CILK1: variants seen among roughly 807,000 people sequenced by gnomAD.
CILK1 encodes the protein serine/threonine-protein kinase ICK.
A neutral mutation model predicts 79.2 loss-of-function variants in CILK1; 47 were observed. The observed-to-expected ratio is 0.59, with a 90% CI of 0.47 to 0.76. The LOEUF is 0.76. CILK1 is among the 30% of genes least tolerant of loss of function. The pLI is 0.00. For synonymous variants in CILK1, 266 were observed against 275.9 expected, an observed-to-expected ratio of 0.96 and a Z score of 0.36; for missense variants, 660 against 769.5, an observed-to-expected ratio of 0.86 and a Z score of 1.68.
intron 5 of CILK1, among the ~76,000 whole-genome samples, chr6:53,030,433 G>C (rs921289377): frequency 6.6e-6 from 1 of 152,138 alleles, no homozygotes; most frequent in Non-Finnish European, 1.5e-5. Context: ...TTACCTATGT[G>C]TGTTGTAACT....
intron 1 of CILK1, among the ~76,000 whole-genome samples, chr6:53,045,761 C>A (rs1767028568): frequency 6.8e-6 from 1 of 146,270 alleles, no homozygotes; most frequent in African/African-American, 2.5e-5. Context: ...CAAATTAAGA[C>A]TCCCAAACCA....
intron 1 of CILK1, among the ~76,000 whole-genome samples, chr6:53,051,037 G>A (rs913363741): frequency 6.6e-6 from 1 of 152,086 alleles, no homozygotes; most frequent in African/African-American, 2.4e-5. Context: ...CACGCAGTTG[G>A]AGAGGTGGGA....
rs759097790 is a variant in CILK1, at chr6:53,006,317, G to C, written c.1742C>G (p.Pro581Arg). 1.9e-6 allele frequency: 3 copies of C among 1,613,596 alleles called. No individual in the cohort carries two copies. The highest frequency in any genetic ancestry group is 1.1e-5 in the South Asian group (1 of 91,048). Residue 581 changes from proline to arginine, a missense_variant and splice_region_variant, in exon 13 of 14, where the codon CCT becomes CGT. Pro to Arg is a moderately radical substitution (Grantham distance 103, BLOSUM62 -2). Coordinates refer to ENST00000676107, the MANE Select transcript of CILK1 (RefSeq NM_014920.5). ...GAATAATTTAAAATACAACTCACCA[G>C]GGGAAGGGTCTGGAATAGGTGCTAG... The part of the protein sequence containing the change: ...VHLAPIPDPS[P>R]GYSSLKAMRP...
Position 53,002,487 on chromosome 6 carries a change from T to C in CILK1, c.*2662A>G, listed in dbSNP as rs2127394144. On this transcript the variant is annotated 3_prime_UTR_variant, in exon 14 of 14. Transcript: ENST00000676107. ...GGTAACAAGTAGCATTTTGTTTTCA[T>C]GTAACAAGAAATGGCTGCAGGTTCT... 6.6e-6 allele frequency: 1 copy of C among 152,346 alleles called. No individual in the cohort carries two copies. The highest frequency in any genetic ancestry group is 6.5e-5 in the Admixed American group (1 of 15,298). The allele number at this position is 152,346 out of a possible 1,614,324, so 9.4% of individuals were successfully genotyped here.
chr6:53,060,837 G>A (rs1768382850), intron 1 of CILK1: 1 of 152,212 alleles, frequency 6.6e-6, no homozygotes, highest in Non-Finnish European at 1.5e-5. Flanking sequence ...TGGGAAATGT[G>A]AGAAATGAAA....
intron 12 of CILK1, among the ~76,000 whole-genome samples, 186 bp from the exon 13 acceptor site, chr6:53,006,623 G>C (rs1346927500): frequency 6.6e-6 from 1 of 152,204 alleles, no homozygotes; most frequent in Non-Finnish European, 1.5e-5. Flanking sequence ...AAAGACTGCG[G>C]GGGCCAAAGA....
At chr6:53,016,681 A>C (rs2127415891) in intron 7 of CILK1, among the ~76,000 whole-genome samples, 1 of 152,354 alleles carries the variant, frequency 6.6e-6, no homozygotes, top group Admixed American at 6.5e-5. Flanking sequence ...AGTATCTTCA[A>C]CTTGGTGATT....
chr6:53,035,831 G>A (rs570663822), intron 3 of CILK1, among the ~76,000 whole-genome samples: 7 of 152,290 alleles, frequency 4.6e-5, no homozygotes, highest in African/African-American at 1.4e-4. Flanking sequence ...ACCTCATCAA[G>A]GAGGAAGGGA....
At chr6:53,053,181 C>T (rs990561490) in intron 1 of CILK1, among the ~76,000 whole-genome samples, 6 of 151,932 alleles carry the variant, frequency 3.9e-5, no homozygotes, top group Admixed American at 3.9e-4. Context: ...TTTTATTTTC[C>T]TCCTCTGCCC....
Position 53,016,165 on chromosome 6 carries a change from ATCAAGGTC to A in CILK1, c.741_748del (p.Lys247AsnfsTer5), listed in dbSNP as rs1764881291. 1 of 1,614,166 alleles carries A rather than the reference ATCAAGGTC, an allele frequency of 6.2e-7. No individual in the cohort carries two copies. Among genetic ancestry groups the A allele is most frequent in the Non-Finnish European group, 8.5e-7 (1 of 1,179,986 alleles). ...GACTGCTTCACTGCTAGCATTGGGAATCAAGGTCTTTAAGTTATTGGGTACACACTGTG... is the reference window on the plus strand; with the variant it reads ...GACTGCTTCACTGCTAGCATTGGGAATTTAAGTTATTGGGTACACACTGTG... On this transcript the variant is annotated frameshift_variant, in exon 8 of 14. Coordinates refer to ENST00000676107, the MANE Select transcript of CILK1 (RefSeq NM_014920.5). LOFTEE classifies it high-confidence loss of function.
intron 10 of CILK1, 44 bp downstream of exon 10, chr6:53,011,993 A>G (rs757953478): frequency 3.7e-6 from 6 of 1,613,822 alleles, no homozygotes; most frequent in Non-Finnish European, 5.1e-6. Context: ...TAATCTCATG[A>G]ATTCCAGATT....
Position 53,012,101 on chromosome 6 carries a change from T to C in CILK1, c.1279A>G (p.Ser427Gly). 6.2e-7 allele frequency: 1 copy of C among 1,614,232 alleles called. No homozygotes were observed. Among genetic ancestry groups the C allele is most frequent in the Non-Finnish European group, 8.5e-7 (1 of 1,180,034 alleles). Reference sequence around the variant, plus strand: ...AGGTCAATCCTGCTGAGGGATGGACTGAAATCCAAGTCATCCAAGTCAGCC... The same window carrying C: ...AGGTCAATCCTGCTGAGGGATGGACCGAAATCCAAGTCATCCAAGTCAGCC... The part of the protein sequence containing the change: ...DWADLDDLDF[S>G]PSLSRIDLKN... Residue 427 changes from serine (S) to glycine (G), a missense_variant, in exon 10 of 14, where the codon AGT (serine) becomes GGT (glycine). Transcript: ENST00000676107.
rs772706116 is a variant in CILK1, at chr6:53,006,307, C to T, written c.1744+8G>A. Reference sequence around the variant, plus strand: ...GTAAATTCATGAATAATTTAAAATACAACTCACCAGGGGAAGGGTCTGGAA... The same window carrying T: ...GTAAATTCATGAATAATTTAAAATATAACTCACCAGGGGAAGGGTCTGGAA... On this transcript the variant is annotated splice_region_variant and intron_variant, in intron 13 of 13. Transcript: ENST00000676107. 10 of 1,612,954 alleles carry T rather than the reference C, an allele frequency of 6.2e-6. No individual in the cohort carries two copies. Among genetic ancestry groups the T allele is most frequent in the South Asian group, 5.5e-5 (5 of 91,038 alleles).
rs779225984 is a variant in CILK1, at chr6:53,032,637, G to T, written c.174C>A (p.Asn58Lys). ...LREVKSLKKLNHANVVKLKEV... is the reference protein window; with the variant it reads ...LREVKSLKKLKHANVVKLKEV... ...CTTTTAATTTGACTACATTGGCATG[G>T]TTGAGCTTCTTTAAAGACTAAAAGG... The change falls in exon 4 of 14, where the codon AAC becomes AAA. Residue 58 changes from asparagine (N) to lysine (K), a missense_variant. Asn to Lys is a moderately conservative substitution (Grantham distance 94, BLOSUM62 0). Coordinates refer to ENST00000676107, the MANE Select transcript of CILK1 (RefSeq NM_014920.5). The T allele has an allele frequency of 1.4e-5, 23 of 1,604,296 alleles. No individual in the cohort carries two copies. The highest frequency in any genetic ancestry group is 1.9e-5 in the Non-Finnish European group (22 of 1,173,314).
chr6:53,017,537 A>G (rs1764964385), intron 7 of CILK1, among the ~76,000 whole-genome samples: 1 of 152,198 alleles, frequency 6.6e-6, no homozygotes, highest in Non-Finnish European at 1.5e-5. Context: ...GAGGCTGGGC[A>G]ATGGGGAGTC....
At chr6:53,028,668 T>C (rs1163831347) in intron 5 of CILK1, among the ~76,000 whole-genome samples, 1 of 152,218 alleles carries the variant, frequency 6.6e-6, no homozygotes, top group Non-Finnish European at 1.5e-5. Context: ...GTTGAGGCTA[T>C]AAAAGCCAAG....
At chr6:53,042,344 G>A (rs1173230404) in intron 1 of CILK1, among the ~76,000 whole-genome samples, 2 of 152,196 alleles carry the variant, frequency 1.3e-5, no homozygotes, top group Non-Finnish European at 2.9e-5. Context: ...AACTGTGGTC[G>A]ATGAAAATTG....
intron 1 of CILK1, among the ~76,000 whole-genome samples, chr6:53,045,253 C>T (rs1021050727): frequency 6.6e-6 from 1 of 152,176 alleles, no homozygotes; most frequent in Non-Finnish European, 1.5e-5. Flanking sequence ...TGTGCCTTAA[C>T]CCAAAAAGTA....
chr6:53,045,954 G>T (rs1340505176), intron 1 of CILK1, among the ~76,000 whole-genome samples: 4 of 152,076 alleles, frequency 2.6e-5, no homozygotes, highest in African/African-American at 9.7e-5. Flanking sequence ...AACATGATCA[G>T]ATCTGCATTT....
Sources: allele counts gnomAD v4.1 joint callset (sites outside exome capture counted in the v4.1 genomes callset), GRCh38; gene constraint gnomAD v4.1.1; transcripts MANE v1.5; gene names NCBI Gene and HGNC (gene_info 2026-07-23, HGNC 2026-07-21).